The following PTPRD variants were observed in gnomAD, a reference collection of about 807,000 sequenced individuals.
PTPRD encodes the protein protein tyrosine phosphatase receptor type D, also known as receptor-type tyrosine-protein phosphatase delta.
PTPRD carries 34 observed loss-of-function variants against 214.5 expected under a neutral mutation model. The observed-to-expected ratio is 0.16, with a 90% CI of 0.12 to 0.21. The LOEUF (loss-of-function observed/expected upper bound fraction) is 0.21, where lower values mean the gene tolerates loss of function less well. Ranked by LOEUF, PTPRD falls within the 10% of genes least tolerant of loss-of-function variation. The pLI is 1.00. For synonymous variants in PTPRD, 1,128 were observed against 845.7 expected (o/e 1.33, Z -5.79); for missense variants, 2,545 against 2,398.7 (o/e 1.06, Z -1.27).
At chr9:10,126,505 T>C (rs1219825613) in intron 3 of PTPRD, among the ~76,000 whole-genome samples, 1 of 151,686 alleles carries the variant, frequency 6.6e-6, no homozygotes, top group African/African-American at 2.4e-5. Flanking sequence ...CACCTAAAAC[T>C]TTAGAATCAA....
intron 3 of PTPRD, among the ~76,000 whole-genome samples, chr9:10,285,403 G>T (rs184410640): frequency 6.6e-6 from 1 of 152,088 alleles, no homozygotes; most frequent in Non-Finnish European, 1.5e-5. Context: ...ATATTCCCAA[G>T]TGCAATTTCA....
intron 11 of PTPRD, among the ~76,000 whole-genome samples, chr9:8,952,786 A>G (rs1039284726): frequency 5.3e-5 from 8 of 151,988 alleles, no homozygotes; most frequent in Non-Finnish European, 8.8e-5. Flanking sequence ...AAAAAATAAT[A>G]AAAAGGTGAA....
At chr9:8,907,517 CA>C (rs60277757) in intron 11 of PTPRD, among the ~76,000 whole-genome samples, 2,168 of 79,700 alleles carry the variant, frequency 0.027, 40 homozygotes, top group East Asian at 0.16. Flanking sequence ...GACTCCGTCT[CA>C]AAAAAAAAAA....
chr9:9,167,950 A>G (rs1000286841), intron 10 of PTPRD, among the ~76,000 whole-genome samples: 4 of 152,142 alleles, frequency 2.6e-5, no homozygotes, highest in African/African-American at 9.7e-5. Flanking sequence ...ATGCCAACGA[A>G]AACCTATCTT....
intron 3 of PTPRD, among the ~76,000 whole-genome samples, chr9:10,145,892 T>C (rs1034471866): frequency 6.6e-6 from 1 of 152,092 alleles, no homozygotes; most frequent in Non-Finnish European, 1.5e-5. Flanking sequence ...AAATTAATTA[T>C]ATTTTGTTGA....
intron 5 of PTPRD, among the ~76,000 whole-genome samples, chr9:9,828,935 C>T (rs72710167): frequency 2.6e-5 from 4 of 151,896 alleles, no homozygotes; most frequent in Non-Finnish European, 5.9e-5. Flanking sequence ...TAAATGTAGA[C>T]TTACATAAAT....
intron 3 of PTPRD, among the ~76,000 whole-genome samples, chr9:10,048,677 A>C (rs530337314): frequency 2.5e-4 from 38 of 152,192 alleles, no homozygotes; most frequent in African/African-American, 9.1e-4. Flanking sequence ...CAAGGCAAGG[A>C]AAGTAGTTTC....
Position 9,262,809 on chromosome 9 carries a change from TTAGA to T in PTPRD, c.-202-79450_-202-79447del, listed in dbSNP as rs563849619. Among the ~76,000 whole-genome samples, 308 of 151,832 alleles carry T rather than the reference TTAGA, an allele frequency of 2.0e-3. 2 individuals are homozygous for T. The highest frequency in any genetic ancestry group is 6.6e-3 in the African/African-American group (276 of 41,532). ...AAAACAATTAATTTGCATCATTGACTTAGATAGATACCCTTTGGTTTCCTGAAAT... is the reference window on the plus strand; with the variant it reads ...AAAACAATTAATTTGCATCATTGACTTAGATACCCTTTGGTTTCCTGAAAT... On this transcript the variant is annotated intron_variant, in intron 9 of 45. Transcript: ENST00000381196.
At chr9:10,484,922 A>T (rs2099122892) in intron 2 of PTPRD, among the ~76,000 whole-genome samples, 1 of 151,976 alleles carries the variant, frequency 6.6e-6, no homozygotes, top group South Asian at 2.1e-4. Context: ...ATATTTCTCA[A>T]GAAATACTAC....
intron 2 of PTPRD, among the ~76,000 whole-genome samples, chr9:10,446,344 G>A (rs1200634863): frequency 2.0e-5 from 3 of 151,520 alleles, no homozygotes; most frequent in Admixed American, 1.3e-4. Flanking sequence ...AAAGGAGTTA[G>A]GAAGAGATGA....
intron 14 of PTPRD, among the ~76,000 whole-genome samples, chr9:8,554,149 T>C (rs945540125): frequency 2.6e-5 from 4 of 152,086 alleles, no homozygotes; most frequent in East Asian, 1.9e-4. Context: ...GATCATGCCA[T>C]TGCATTCCAG....
At chr9:10,338,026 A>C (rs1197755758) in intron 3 of PTPRD, among the ~76,000 whole-genome samples, 1 of 151,596 alleles carries the variant, frequency 6.6e-6, no homozygotes, top group Non-Finnish European at 1.5e-5. Flanking sequence ...ATTTCTCCAT[A>C]TCAGGTATTA....
chr9:8,425,242 G>A (rs773101620), intron 35 of PTPRD, among the ~76,000 whole-genome samples: 5 of 152,096 alleles, frequency 3.3e-5, no homozygotes, highest in Admixed American at 1.3e-4. Flanking sequence ...AATTTTCCCC[G>A]AAAGCTGTTC....
At chr9:10,314,723 G>A (rs2096374663) in intron 3 of PTPRD, among the ~76,000 whole-genome samples, 1 of 151,780 alleles carries the variant, frequency 6.6e-6, no homozygotes, top group Non-Finnish European at 1.5e-5. Flanking sequence ...AGCCAAGGGG[G>A]GAAACTTGCA....
intron 12 of PTPRD, among the ~76,000 whole-genome samples, chr9:8,718,520 C>G (rs2098460034): frequency 6.6e-6 from 1 of 152,132 alleles, no homozygotes; most frequent in African/African-American, 2.4e-5. Context: ...CTGCTTACAT[C>G]AAATGAGTCA....
intron 11 of PTPRD, among the ~76,000 whole-genome samples, chr9:8,743,217 C>T (rs929411537): frequency 2.6e-5 from 4 of 152,110 alleles, no homozygotes; most frequent in African/African-American, 9.6e-5. Context: ...AATTTCTGGG[C>T]ATGGGAATAT....
At chr9:8,771,808 G>C (rs1371423017) in intron 11 of PTPRD, among the ~76,000 whole-genome samples, 1 of 150,242 alleles carries the variant, frequency 6.7e-6, no homozygotes, top group Non-Finnish European at 1.5e-5. Flanking sequence ...GCTGTGACCT[G>C]TGCATGGCTT....
At chr9:9,970,675 G>C (rs1202517966) in intron 4 of PTPRD, among the ~76,000 whole-genome samples, 1 of 152,080 alleles carries the variant, frequency 6.6e-6, no homozygotes, top group Non-Finnish European at 1.5e-5. Flanking sequence ...ATGAAGAAAG[G>C]GCATTCACCA....
intron 2 of PTPRD, among the ~76,000 whole-genome samples, chr9:10,370,819 T>A (rs543291421): frequency 6.6e-6 from 1 of 151,990 alleles, no homozygotes; most frequent in East Asian, 1.9e-4. Context: ...TGATAAAAGA[T>A]CTCTTCTCTC....
Sources: gnomAD v4.1 joint callset for allele counts (sites outside exome capture counted in the v4.1 genomes callset) on GRCh38, gnomAD v4.1.1 for gene constraint, MANE v1.5 for transcripts, NCBI Gene and HGNC (gene_info 2026-07-23, HGNC 2026-07-21) for gene names.